The following CSTPP1 variants were observed in gnomAD, a reference collection of about 807,000 sequenced individuals.
The protein encoded by CSTPP1 is UPF0705 protein C11orf49.
At chr11:47,108,830 C>T in the CSTPP1 span, among the ~76,000 whole-genome samples, 1 of 151,790 alleles carries the variant, frequency 6.6e-6, no homozygotes, top group Non-Finnish European at 1.5e-5. Flanking sequence ...CCTCAGCCTC[C>T]TGAGTAACTG....
the CSTPP1 span, among the ~76,000 whole-genome samples, chr11:46,959,797 A>G: frequency 1.3e-5 from 2 of 151,124 alleles, no homozygotes; most frequent in East Asian, 1.9e-4. Flanking sequence ...CTTCAACTCT[A>G]TTTTTATAAA....
chr11:47,054,919 T>C, the CSTPP1 span, among the ~76,000 whole-genome samples: 2 of 144,048 alleles, frequency 1.4e-5, no homozygotes, highest in African/African-American at 5.1e-5. Context: ...AGCCACAGAA[T>C]AAATTTCAAT....
At chr11:47,039,078 G>GGC in the CSTPP1 span, among the ~76,000 whole-genome samples, 1 of 126,352 alleles carries the variant, frequency 7.9e-6, no homozygotes, top group Non-Finnish European at 1.9e-5. Context: ...AGGCAGAGAC[G>GGC]CTCCTCACTT....
At chr11:47,054,467 C>T in the CSTPP1 span, among the ~76,000 whole-genome samples, 2 of 152,080 alleles carry the variant, frequency 1.3e-5, no homozygotes, top group South Asian at 2.1e-4. Flanking sequence ...ACATGCCTAC[C>T]ATACCTAGCT....
At chr11:47,060,883 T>C in the CSTPP1 span, among the ~76,000 whole-genome samples, 3 of 152,114 alleles carry the variant, frequency 2.0e-5, no homozygotes, top group Non-Finnish European at 4.4e-5. Flanking sequence ...GCATGGAAAA[T>C]GTAAGGCAGG....
chr11:47,016,390 C>CAAAAAAA, the CSTPP1 span, among the ~76,000 whole-genome samples: 9 of 125,812 alleles, frequency 7.2e-5, no homozygotes, highest in African/African-American at 8.7e-5. Context: ...ATGGAATCTA[C>CAAAAAAA]AAAAAACAAA....
the CSTPP1 span, chr11:47,052,425 C>T: frequency 1.3e-5 from 21 of 1,613,718 alleles, no homozygotes; most frequent in Middle Eastern, 1.6e-4. Flanking sequence ...CATTCTCTTT[C>T]GAGAATTCAG....
At chr11:47,159,958 C>G in the CSTPP1 span, 1 of 320,532 alleles carries the variant, frequency 3.1e-6, no homozygotes, top group Non-Finnish European at 6.1e-6. Flanking sequence ...GAGCCAAGAT[C>G]GCATCATTGC....
the CSTPP1 span, chr11:47,161,429 C>G: frequency 1.9e-6 from 3 of 1,611,616 alleles, no homozygotes; most frequent in Admixed American, 5.0e-5. Context: ...TACAGGAGGC[C>G]TCTCGCTGCC....
chr11:47,040,142 C>G, the CSTPP1 span, among the ~76,000 whole-genome samples: 6 of 127,778 alleles, frequency 4.7e-5, 3 homozygotes, highest in Non-Finnish European at 1.1e-4. Flanking sequence ...AGCAAGTGCC[C>G]CCAGATGTGA....
chr11:47,074,931 A>T, the CSTPP1 span, among the ~76,000 whole-genome samples: 1 of 152,234 alleles, frequency 6.6e-6, no homozygotes, highest in Admixed American at 6.5e-5. Flanking sequence ...AGGTGCTGGT[A>T]CTAAAAGAAT....
chr11:46,968,370 A>G, the CSTPP1 span, among the ~76,000 whole-genome samples: 3 of 146,792 alleles, frequency 2.0e-5, no homozygotes, highest in Admixed American at 2.1e-4. Context: ...ATAATATATA[A>G]TTATATATAA....
the CSTPP1 span, among the ~76,000 whole-genome samples, chr11:47,121,133 A>G: frequency 6.6e-6 from 1 of 152,184 alleles, no homozygotes; most frequent in African/African-American, 2.4e-5. Flanking sequence ...ACCCACTGAA[A>G]TGTACCCTAA....
At chr11:47,162,354 C>T in the CSTPP1 span, 1 of 620,346 alleles carries the variant, frequency 1.6e-6, no homozygotes, top group South Asian at 7.1e-5. Flanking sequence ...CCCACTCAGA[C>T]CTGGGGACCT....
At chr11:47,148,854 G>C in the CSTPP1 span, among the ~76,000 whole-genome samples, 3 of 152,200 alleles carry the variant, frequency 2.0e-5, no homozygotes, top group Admixed American at 2.0e-4. Flanking sequence ...TGGCCAGTGA[G>C]TAGTGGAACT....
the CSTPP1 span, among the ~76,000 whole-genome samples, chr11:47,067,474 T>C: frequency 6.6e-6 from 1 of 152,222 alleles, no homozygotes; most frequent in South Asian, 2.1e-4. Flanking sequence ...AAATTCCTCC[T>C]GTAAGGAGGA....
the CSTPP1 span, among the ~76,000 whole-genome samples, chr11:47,057,103 G>A: frequency 6.6e-6 from 1 of 152,104 alleles, no homozygotes; most frequent in African/African-American, 2.4e-5. Flanking sequence ...TAATTATCTT[G>A]TCCAAATTTT....
the CSTPP1 span, among the ~76,000 whole-genome samples, chr11:47,130,193 T>A: frequency 6.6e-6 from 1 of 151,762 alleles, no homozygotes; most frequent in East Asian, 1.9e-4. Context: ...GGAGGCAGCG[T>A]TTGCAGTGAG....
the CSTPP1 span, among the ~76,000 whole-genome samples, chr11:47,152,663 T>C: frequency 6.6e-6 from 1 of 152,214 alleles, no homozygotes; most frequent in Admixed American, 6.5e-5. Context: ...CGCTACTTTG[T>C]GAATATACTA....
Sources: gnomAD v4.1 joint callset for allele counts (sites outside exome capture counted in the v4.1 genomes callset) on GRCh38, gnomAD v4.1.1 for gene constraint, MANE v1.5 for transcripts, NCBI Gene and HGNC (gene_info 2026-07-23, HGNC 2026-07-21) for gene names.